The following NOS1 variants were observed in gnomAD, a reference collection of about 807,000 sequenced individuals.
NOS1 encodes nitric oxide synthase 1, also known as NOS type I.
NOS1 carries 51 observed loss-of-function variants against 164.5 expected under a neutral mutation model. That is an observed-to-expected ratio of 0.31 (90% CI 0.25 to 0.39). NOS1 has a LOEUF of 0.39. Among genes scored for constraint, NOS1 ranks in the 10% least tolerant of loss-of-function variants. NOS1 has a pLI of 1.00. For missense variants in NOS1, 1,362 were observed against 1,885.6 expected (o/e 0.72, Z 5.14); for synonymous variants, 719 against 745.8 (o/e 0.96, Z 0.59).
chr12:117,242,486 T>C, intron 20 of NOS1, 141 bp downstream of exon 20: 1 of 711,356 alleles, frequency 1.4e-6, no homozygotes, highest in Non-Finnish European at 2.5e-6. Flanking sequence ...CCCCAGACAC[T>C]ATAAAGCAGC....
intron 26 of NOS1, among the ~76,000 whole-genome samples, chr12:117,221,215 T>C (rs1170498319): frequency 6.6e-6 from 1 of 151,858 alleles, no homozygotes; most frequent in Non-Finnish European, 1.5e-5. Context: ...TGCAGTGGCA[T>C]GATCTCAGCT....
At chr12:117,302,842 T>G (rs184642290) in intron 3 of NOS1, among the ~76,000 whole-genome samples, 6 of 150,650 alleles carry the variant, frequency 4.0e-5, no homozygotes, top group African/African-American at 1.5e-4. Context: ...GCCTCCCAGG[T>G]TCAAGCAATT....
chr12:117,239,185 C>CG (rs974940270), intron 20 of NOS1, among the ~76,000 whole-genome samples: 1 of 152,180 alleles, frequency 6.6e-6, no homozygotes, highest in African/African-American at 2.4e-5. Flanking sequence ...TTTTACTTGA[C>CG]GGGGGATGAG....
intron 7 of NOS1, among the ~76,000 whole-genome samples, chr12:117,283,053 TATA>T (rs1466776698): frequency 0.026 from 1,684 of 65,490 alleles, 20 homozygotes; most frequent in Admixed American, 0.11. Flanking sequence ...TATATATATA[TATA>T]TTTTTTTTTT....
intron 3 of NOS1, among the ~76,000 whole-genome samples, chr12:117,307,103 T>C (rs570910004): frequency 1.1e-3 from 169 of 152,330 alleles, no homozygotes; most frequent in Admixed American, 2.3e-3. Flanking sequence ...AAATGACCAG[T>C]CTGCCATTGC....
In NOS1 at chr12:117,222,693, G is replaced by C. The variant is rs7978471; in HGVS notation, c.3975+22C>G. ...GTGCATGTGTGTTGGGCTGGGCTAGGGGGTGGGCTGCTGGGGGTTACCTTT... is the reference window on the plus strand; with the variant it reads ...GTGCATGTGTGTTGGGCTGGGCTAGCGGGTGGGCTGCTGGGGGTTACCTTT... On this transcript the variant is annotated intron_variant, in intron 26 of 28. Coordinates refer to ENST00000317775, the MANE Select transcript of NOS1 (RefSeq NM_000620.5). 1,519 of 1,612,432 alleles carry C rather than the reference G, an allele frequency of 9.4e-4. 14 individuals carry two copies. In the African/African-American group the frequency reaches 0.016, roughly 17 times the overall value.
chr12:117,237,378 G>A (rs928870888), intron 20 of NOS1, among the ~76,000 whole-genome samples: 9 of 147,744 alleles, frequency 6.1e-5, no homozygotes, highest in Admixed American at 4.1e-4. Flanking sequence ...ATGATCCACC[G>A]CCTCAACCTC....
At chr12:117,237,141 T>C (rs907350063) in intron 20 of NOS1, among the ~76,000 whole-genome samples, 1 of 152,138 alleles carries the variant, frequency 6.6e-6, no homozygotes, top group African/African-American at 2.4e-5. Flanking sequence ...AAGTAGAGAA[T>C]TTTTAGCATT....
Position 117,210,766 on chromosome 12 carries a change from G to A in NOS1, c.*4543C>T. On this transcript the variant is annotated 3_prime_UTR_variant, in exon 29 of 29. Coordinates refer to ENST00000317775, the MANE Select transcript of NOS1 (RefSeq NM_000620.5). ...TTGGTCAGAAGATTCTGTGTTCTTA[G>A]CCAATGTCTACTGGCTGGGGGTCAG... 1.0e-6 allele frequency: 1 copy of A among 985,408 alleles called. No individual in the cohort carries two copies. The highest frequency in any genetic ancestry group is 1.2e-6 in the Non-Finnish European group (1 of 829,986). 61.0% of individuals were successfully genotyped at this position (985,408 alleles called of 1,614,324 possible).
intron 3 of NOS1, among the ~76,000 whole-genome samples, chr12:117,303,424 G>A (rs12811676): frequency 0.14 from 20,540 of 152,136 alleles, 1,632 homozygotes; most frequent in East Asian, 0.26. Context: ...TGCGTCCCCA[G>A]GGGTGAGAAA....
At chr12:117,263,819 C>A in intron 13 of NOS1, 70 bp downstream of exon 13, 1 of 1,211,450 alleles carries the variant, frequency 8.3e-7, no homozygotes, top group South Asian at 1.2e-5. Flanking sequence ...GGAGTCTGCC[C>A]AGCCTCCTTC....
At position 117,330,755 on chromosome 12, in the gene NOS1, C is replaced by T. The variant is rs9658277; in HGVS notation, c.315G>A (p.Thr105=). Residue 105 remains threonine (T), a synonymous_variant, in exon 2 of 29, where the codon ACG becomes ACA. Transcript: ENST00000317775. The surrounding 1 kb of genome is among the most constrained non-coding windows in gnomAD (Gnocchi z 4.6). ...CACCTGTAAAGGTGGTCTCCAGGTG[C>T]GTGGTGAAACCTTCAGGGCCCCTCA... ...LILRGPEGFT[T]HLETTFTGDG... 40 of 1,613,962 alleles carry T rather than the reference C, an allele frequency of 2.5e-5. No individual in the cohort carries two copies. The Admixed American group carries it at 3.5e-4, about 14-fold the overall frequency.
At chr12:117,279,674 G>T (rs891836770) in intron 8 of NOS1, among the ~76,000 whole-genome samples, 8 of 152,236 alleles carry the variant, frequency 5.3e-5, no homozygotes, top group Non-Finnish European at 1.5e-5. Context: ...CAGAGATGGA[G>T]CGAGAGGAAG....
chr12:117,217,608 G>A (rs556143322), intron 28 of NOS1, among the ~76,000 whole-genome samples: 1 of 152,166 alleles, frequency 6.6e-6, no homozygotes, highest in African/African-American at 2.4e-5. Context: ...GGGAGGCTGA[G>A]GCACGAGAAT....
chr12:117,319,067 A>T (rs1446009557), intron 2 of NOS1, among the ~76,000 whole-genome samples: 4 of 151,980 alleles, frequency 2.6e-5, no homozygotes, highest in Non-Finnish European at 4.4e-5. Context: ...AGTATGCTTT[A>T]TTATTATTAT....
intron 13 of NOS1, 72 bp downstream of exon 13, chr12:117,263,817 C>G: frequency 8.5e-7 from 1 of 1,174,894 alleles, no homozygotes; most frequent in Non-Finnish European, 1.3e-6. Flanking sequence ...CAGGAGTCTG[C>G]CCAGCCTCCT....
intron 2 of NOS1, among the ~76,000 whole-genome samples, chr12:117,327,953 A>G (rs1182653921): frequency 6.6e-6 from 1 of 152,038 alleles, no homozygotes; most frequent in Non-Finnish European, 1.5e-5. Flanking sequence ...GAAGTTAGGA[A>G]AACTCTGATG....
chr12:117,231,855 G>C, intron 22 of NOS1, 107 bp downstream of exon 22: 2 of 1,237,736 alleles, frequency 1.6e-6, no homozygotes, highest in Non-Finnish European at 2.3e-6. Flanking sequence ...GGCCCCCTTG[G>C]CTCAAGACTT....
At chr12:117,262,991 T>G (rs991680813) in intron 13 of NOS1, among the ~76,000 whole-genome samples, 15 of 152,082 alleles carry the variant, frequency 9.9e-5, no homozygotes, top group Non-Finnish European at 1.6e-4. Flanking sequence ...CCTCCCAAAC[T>G]CCGTGAACCA....
Sources: gnomAD v4.1 joint callset for allele counts (sites outside exome capture counted in the v4.1 genomes callset) on GRCh38, gnomAD v4.1.1 for gene constraint, Gnocchi (gnomAD v3.1) non-coding constraint, MANE v1.5 for transcripts, NCBI Gene and HGNC (gene_info 2026-07-23, HGNC 2026-07-21) for gene names.